The following RTN1 variants were observed in gnomAD, a reference collection of about 807,000 sequenced individuals.
RTN1 encodes reticulon-1.
Under a neutral mutation model 65.5 loss-of-function variants are expected in RTN1, and 25 were observed. The ratio of observed to expected loss-of-function variants is 0.38; its 90% CI spans 0.28 to 0.53. The LOEUF (loss-of-function observed/expected upper bound fraction) is 0.53. Ranked by LOEUF, RTN1 falls within the 20% of genes least tolerant of loss-of-function variation. The pLI, the probability that RTN1 is intolerant of heterozygous loss-of-function variation, is 0.79. For missense variants in RTN1, 983 were observed against 1,025.4 expected (o/e 0.96, Z 0.57); for synonymous variants, 471 against 447.6 (o/e 1.05, Z -0.66).
At chr14:59,614,802 T>C (rs1297128107) in intron 3 of RTN1, among the ~76,000 whole-genome samples, 1 of 152,346 alleles carries the variant, frequency 6.6e-6, no homozygotes, top group Admixed American at 6.5e-5. Context: ...CCACCCTTAG[T>C]AGATAATTAA....
intron 3 of RTN1, among the ~76,000 whole-genome samples, chr14:59,720,255 A>G (rs1884619898): frequency 6.6e-6 from 1 of 151,798 alleles, no homozygotes; most frequent in South Asian, 2.1e-4. Flanking sequence ...ACCATTTTAA[A>G]AAAAAAACAT....
chr14:59,649,442 AAAATAAACTATCATCAGCATG>A (rs1434273689), intron 3 of RTN1, among the ~76,000 whole-genome samples: 3 of 152,228 alleles, frequency 2.0e-5, no homozygotes, highest in African/African-American at 7.2e-5. Flanking sequence ...TCTTCACAGC[AAAATAAACTATCATCAGCATG>A]AACAGGCAAC....
chr14:59,733,012 G>C (rs1424976838), intron 2 of RTN1, among the ~76,000 whole-genome samples: 1 of 151,838 alleles, frequency 6.6e-6, no homozygotes, highest in African/African-American at 2.4e-5. Context: ...GAGTCCAAAT[G>C]GTCCAGTGAA....
At chr14:59,626,083 G>GGTGATATT (rs1281705284) in intron 3 of RTN1, among the ~76,000 whole-genome samples, 2 of 152,080 alleles carry the variant, frequency 1.3e-5, no homozygotes, top group Non-Finnish European at 1.5e-5. Flanking sequence ...TTTCATAAAA[G>GGTGATATT]GTGATATTAG....
chr14:59,707,670 TTC>T (rs148218611), intron 3 of RTN1, among the ~76,000 whole-genome samples: 29 of 148,076 alleles, frequency 2.0e-4, no homozygotes, highest in South Asian at 2.1e-4. Flanking sequence ...TGCTTGATAA[TTC>T]TCTCTCTCTC....
intron 3 of RTN1, among the ~76,000 whole-genome samples, chr14:59,653,577 C>T (rs1254557990): frequency 1.3e-5 from 2 of 150,388 alleles, no homozygotes; most frequent in Non-Finnish European, 1.5e-5. Context: ...ATATATAAAG[C>T]AATAAATATA....
Position 59,622,298 on chromosome 14 carries a change from G to A in RTN1, c.1766-14806C>T, listed in dbSNP as rs1192240856. Among the ~76,000 whole-genome samples the A allele has an allele frequency of 5.3e-5, 8 of 152,190 alleles. No homozygotes were observed. The East Asian group carries it at 1.5e-3, about 29-fold the overall frequency. ...AGAGGTTGCAGTGAGCCAAGATCGA[G>A]CCGCTGCACTCCAGCCTGGGCAACG... On this transcript the variant is annotated intron_variant, in intron 3 of 8. Transcript: ENST00000267484.
At chr14:59,689,731 T>C (rs1233874813) in intron 3 of RTN1, among the ~76,000 whole-genome samples, 1 of 151,806 alleles carries the variant, frequency 6.6e-6, no homozygotes, top group East Asian at 1.9e-4. Context: ...GAAGGAGAGA[T>C]AGATTTTTTC....
intron 1 of RTN1, among the ~76,000 whole-genome samples, chr14:59,867,695 T>C (rs1887823605): frequency 6.6e-6 from 1 of 152,232 alleles, no homozygotes; most frequent in African/African-American, 2.4e-5. Flanking sequence ...GTGATGTTTT[T>C]CAGAAAAACA....
chr14:59,810,157 C>T (rs954087830), intron 1 of RTN1, among the ~76,000 whole-genome samples: 2 of 152,102 alleles, frequency 1.3e-5, no homozygotes, highest in African/African-American at 4.8e-5. Flanking sequence ...ATAGCAACAG[C>T]CTTGGAAGGT....
chr14:59,870,537 C>A lies in RTN1; in HGVS notation c.94G>T (p.Ala32Ser), dbSNP rs1566754591. The A allele has an allele frequency of 5.5e-6, 8 of 1,459,718 alleles. No individual in the cohort carries two copies. The highest frequency in any genetic ancestry group is 2.5e-5 in the Admixed American group (1 of 40,446). 90.4% of individuals were successfully genotyped at this position (1,459,718 alleles called of 1,614,324 possible). A position where few individuals can be genotyped will look rare whatever the true frequency, so the allele number is the denominator to read the frequency against. ...LRHRGEGENEAVTPKGATPAP... is the reference protein window; with the variant it reads ...LRHRGEGENESVTPKGATPAP... ...GGCGTGGCCCCTTTCGGCGTCACCG[C>A]TTCGTTCTCCCCCTCCCCCCGGTGC... The change falls in exon 1 of 9, where the codon GCG (alanine) becomes TCG (serine). Residue 32 changes from alanine (A) to serine (S), a missense_variant. This residue lies in a region of RTN1 where 818 missense variants were observed against 801.8 expected (regional missense o/e 1.02). Coordinates refer to ENST00000267484, the MANE Select transcript of RTN1 (RefSeq NM_021136.3). This position sits in a 1 kb window ranked among gnomAD's most constrained non-coding sequence, Gnocchi z 5.1.
chr14:59,854,403 G>A (rs1316926221), intron 1 of RTN1, among the ~76,000 whole-genome samples: 2 of 151,858 alleles, frequency 1.3e-5, no homozygotes, highest in African/African-American at 4.8e-5. Flanking sequence ...AGCACTTTGG[G>A]AAGCCAAGGC....
chr14:59,661,445 C>T (rs1169072670), intron 3 of RTN1, among the ~76,000 whole-genome samples: 1 of 151,892 alleles, frequency 6.6e-6, no homozygotes, highest in Non-Finnish European at 1.5e-5. Context: ...AGAGACACAA[C>T]AAAAAAGGAA....
chr14:59,764,574 G>A (rs534197670), intron 1 of RTN1, among the ~76,000 whole-genome samples: 5 of 152,072 alleles, frequency 3.3e-5, no homozygotes, highest in African/African-American at 7.2e-5. Context: ...CACCCACCTC[G>A]GCCTCCCAAA....
rs1885616147 is a variant in RTN1, at chr14:59,755,331, C to T, written c.242-8850G>A. Among the ~76,000 whole-genome samples, 9 of 152,244 alleles carry T rather than the reference C, an allele frequency of 5.9e-5. No individual in the cohort carries two copies. The South Asian group carries it at 1.9e-3, about 32-fold the overall frequency. On this transcript the variant is annotated intron_variant, in intron 1 of 8. Transcript: ENST00000267484. Reference sequence around the variant, plus strand: ...AGCCAATATTAACAGGTATAGGGGACATTAGTCCTATTAAATTGAGAATTT... The same window carrying T: ...AGCCAATATTAACAGGTATAGGGGATATTAGTCCTATTAAATTGAGAATTT...
chr14:59,721,337 C>G (rs2139468296), intron 3 of RTN1, among the ~76,000 whole-genome samples: 1 of 152,324 alleles, frequency 6.6e-6, no homozygotes, highest in South Asian at 2.1e-4. Context: ...ACAGGTACCT[C>G]TCTAACAGAA....
At chr14:59,843,768 T>A (rs1457054546) in intron 1 of RTN1, among the ~76,000 whole-genome samples, 2 of 152,212 alleles carry the variant, frequency 1.3e-5, no homozygotes, top group Non-Finnish European at 2.9e-5. Flanking sequence ...AATGTCTTGA[T>A]GAACTTCAGA....
intron 3 of RTN1, among the ~76,000 whole-genome samples, chr14:59,632,051 A>C (rs1285218167): frequency 1.3e-5 from 2 of 152,208 alleles, no homozygotes; most frequent in African/African-American, 4.8e-5. Flanking sequence ...TTTCATTTTA[A>C]TGAAGCATAT....
chr14:59,672,621 A>ATTTT (rs1594669647), intron 3 of RTN1, among the ~76,000 whole-genome samples: 5 of 93,926 alleles, frequency 5.3e-5, no homozygotes, highest in Non-Finnish European at 6.5e-5. Flanking sequence ...AATACAAGAT[A>ATTTT]TTTCTTTTTT....
Sources: gnomAD v4.1 joint callset for allele counts (sites outside exome capture counted in the v4.1 genomes callset) on GRCh38, gnomAD v4.1.1 for gene constraint, gnomAD v4.1.1 regional missense constraint, Gnocchi (gnomAD v3.1) non-coding constraint, MANE v1.5 for transcripts, NCBI Gene and HGNC (gene_info 2026-07-23, HGNC 2026-07-21) for gene names.